COBL: variants seen among roughly 807,000 people sequenced by gnomAD.
COBL encodes cordon-bleu WH2 repeat protein, also known as protein cordon-bleu.
In COBL, 51 loss-of-function variants were observed where a neutral mutation model predicts 98.8. The ratio of observed to expected loss-of-function variants is 0.52; its 90% CI spans 0.41 to 0.65. COBL has a LOEUF of 0.65. Ranked by LOEUF, COBL falls within the 30% of genes least tolerant of loss-of-function variation. COBL has a pLI of 0.00. For missense variants in COBL, 1,617 were observed against 1,617.5 expected (o/e 1.00, Z 0.01); for synonymous variants, 634 against 651.7 (o/e 0.97, Z 0.41).
intron 7 of COBL, among the ~76,000 whole-genome samples, chr7:51,048,844 C>T (rs971788139): frequency 6.6e-6 from 1 of 152,130 alleles, no homozygotes; most frequent in Non-Finnish European, 1.5e-5. Flanking sequence ...TCATTTGGAA[C>T]TGCATTTCAT....
chr7:51,040,018 C>G (rs1024805249), intron 8 of COBL, among the ~76,000 whole-genome samples: 2 of 152,168 alleles, frequency 1.3e-5, no homozygotes, highest in East Asian at 3.8e-4. Flanking sequence ...TCAACCTCGC[C>G]TAACCCCTGC....
intron 2 of COBL, among the ~76,000 whole-genome samples, chr7:51,209,313 A>G (rs1365029242): frequency 6.6e-6 from 1 of 151,868 alleles, no homozygotes; most frequent in Non-Finnish European, 1.5e-5. Context: ...ACCCTCATCC[A>G]CTCTCCAGGA....
intron 7 of COBL, among the ~76,000 whole-genome samples, chr7:51,063,088 T>C (rs1399797866): frequency 6.6e-6 from 1 of 152,118 alleles, no homozygotes; most frequent in African/African-American, 2.4e-5. Context: ...GAAATTGCTC[T>C]ACATCACTTG....
At chr7:51,275,844 G>C (rs1020751392) in intron 1 of COBL, among the ~76,000 whole-genome samples, 1 of 152,170 alleles carries the variant, frequency 6.6e-6, no homozygotes, top group African/African-American at 2.4e-5. Context: ...TGTTTCCACA[G>C]CCTGATTAGG....
At position 51,204,378 on chromosome 7, in the gene COBL, C is replaced by G. The variant is rs542582035; in HGVS notation, c.246-10789G>C. Among the ~76,000 whole-genome samples, 9 of 151,908 alleles carry G rather than the reference C, an allele frequency of 5.9e-5. No individual in the cohort carries two copies. In the South Asian group the frequency reaches 1.7e-3, roughly 28 times the overall value. On this transcript the variant is annotated intron_variant, in intron 2 of 12. Coordinates refer to ENST00000265136, the MANE Select transcript of COBL (RefSeq NM_015198.5). The stretch of plus-strand genomic sequence containing the variant: ...GGTAGTCCTAGCCAGAGGCATTGGA[C>G]AAGAAAAATAAATAAAAGGCACATA...
At position 51,055,628 on chromosome 7, in the gene COBL, C is replaced by A. The variant is rs1047869275; in HGVS notation, c.1097-11936G>T. The stretch of plus-strand genomic sequence containing the variant: ...CCCATGAGTTTCTGATTCAGTGGGG[C>A]TGGGGTGGGCCCAGGGGTGCATGTT... On this transcript the variant is annotated intron_variant, in intron 7 of 12. Coordinates refer to ENST00000265136, the MANE Select transcript of COBL (RefSeq NM_015198.5). 5.9e-5 allele frequency among the ~76,000 whole-genome samples: 9 copies of A among 152,186 alleles called. No homozygotes were observed. In the South Asian group the frequency reaches 8.3e-4, roughly 14 times the overall value.
chr7:51,306,096 G>A (rs967847713), intron 1 of COBL, among the ~76,000 whole-genome samples: 3 of 152,036 alleles, frequency 2.0e-5, no homozygotes, highest in African/African-American at 7.2e-5. Context: ...CTTGCTTCCC[G>A]AGTGTCTTGA....
chr7:51,030,452 T>C (rs1788029346), intron 9 of COBL, among the ~76,000 whole-genome samples: 1 of 152,212 alleles, frequency 6.6e-6, no homozygotes, highest in Non-Finnish European at 1.5e-5. Flanking sequence ...TTGACAGATA[T>C]GCCATATATC....
chr7:51,087,175 C>A (rs909723332), intron 6 of COBL, among the ~76,000 whole-genome samples: 19 of 149,512 alleles, frequency 1.3e-4, no homozygotes, highest in Admixed American at 2.0e-4. Flanking sequence ...CAGACTCATA[C>A]TTTTCCTCTC....
rs1790062794 is a variant in COBL, at chr7:51,191,013, C to T, written c.522G>A (p.Glu174=). The change falls in exon 4 of 13, where the codon GAG becomes GAA. Residue 174 remains glutamate, a synonymous_variant. Coordinates refer to ENST00000265136, the MANE Select transcript of COBL (RefSeq NM_015198.5). ...CTGGGAGAATATTCTGGAGAGGAACCTCAGGGCTCACACGCACAACAGCTT... is the reference window on the plus strand; with the variant it reads ...CTGGGAGAATATTCTGGAGAGGAACTTCAGGGCTCACACGCACAACAGCTT... The part of the protein sequence containing the change: ...TQKAVVRVSP[E]VPLQNILPVI... 1.2e-6 allele frequency: 2 copies of T among 1,614,074 alleles called. No individual in the cohort carries two copies. Among genetic ancestry groups the T allele is most frequent in the African/African-American group, 1.3e-5 (1 of 74,916 alleles).
rs147581154 is a variant in COBL, at chr7:51,075,439, G to A, written c.1096+9727C>T. ...CTAAAGCATTAAATCCTACAGATCC[G>A]ATACATGTAAACAACCTCAAGAACA... On this transcript the variant is annotated intron_variant, in intron 7 of 12. Transcript: ENST00000265136. Among the ~76,000 whole-genome samples the A allele has an allele frequency of 9.5e-4, 144 of 152,242 alleles. 2 individuals carry two copies. The East Asian group carries it at 0.019, about 20-fold the overall frequency.
chr7:51,177,775 A>AAAATAAATAAATAAAT (rs147309503), intron 5 of COBL, among the ~76,000 whole-genome samples: 5 of 142,902 alleles, frequency 3.5e-5, no homozygotes, highest in East Asian at 2.1e-4. Flanking sequence ...CTGTCTCAAA[A>AAAATAAATAAATAAAT]AAATAAATAA....
At chr7:51,258,838 C>G (rs1388515734) in intron 1 of COBL, among the ~76,000 whole-genome samples, 1 of 152,124 alleles carries the variant, frequency 6.6e-6, no homozygotes, top group East Asian at 1.9e-4. Flanking sequence ...ATGACCACAG[C>G]AATACAGTTT....
chr7:51,203,473 A>C (rs200565975), intron 2 of COBL, among the ~76,000 whole-genome samples: 1 of 141,226 alleles, frequency 7.1e-6, no homozygotes, highest in Non-Finnish European at 1.5e-5. Flanking sequence ...AAAAAAAAAA[A>C]AAAAAAAAAA....
intron 6 of COBL, among the ~76,000 whole-genome samples, chr7:51,120,273 T>G (rs904882100): frequency 1.3e-5 from 2 of 152,052 alleles, no homozygotes; most frequent in Non-Finnish European, 2.9e-5. Flanking sequence ...ATATAAGTTA[T>G]TTCACTGTCA....
intron 2 of COBL, among the ~76,000 whole-genome samples, chr7:51,207,823 C>T (rs1005856736): frequency 7.2e-5 from 11 of 152,300 alleles, no homozygotes; most frequent in Admixed American, 1.3e-4. Flanking sequence ...CCCAAAGTGC[C>T]GAGATTGCAG....
Position 51,088,341 on chromosome 7 carries a change from TC to T in COBL, c.958-3038del, listed in dbSNP as rs1369698594. 7.6e-5 allele frequency among the ~76,000 whole-genome samples: 8 copies of T among 105,222 alleles called. No individual in the cohort carries two copies. The South Asian group carries it at 2.0e-3, about 27-fold the overall frequency. 69.0% of individuals were successfully genotyped at this position (105,222 alleles called of 152,430 possible). ...ACTCTTGCCTAAATTTTTTCTGATT[TC>T]CCCCCCTCTTGGAAATTTTCTCCAT... On this transcript the variant is annotated intron_variant, in intron 6 of 12. Coordinates refer to ENST00000265136, the MANE Select transcript of COBL (RefSeq NM_015198.5).
chr7:51,067,539 T>C (rs1161256536), intron 7 of COBL, among the ~76,000 whole-genome samples: 1 of 152,218 alleles, frequency 6.6e-6, no homozygotes, highest in Non-Finnish European at 1.5e-5. Flanking sequence ...TGCACATGTA[T>C]GTGTGCATGT....
In COBL at chr7:51,025,389, T is replaced by G. The variant is rs1273311363; in HGVS notation, c.3505-17A>C. The G allele has an allele frequency of 6.2e-7, 1 of 1,612,746 alleles. No individual in the cohort carries two copies. Among genetic ancestry groups the G allele is most frequent in the East Asian group, 2.2e-5 (1 of 44,866 alleles). ...GGATGCCACCTGGCAATGAGATGAT[T>G]AAATGACTGCTATAGAGTGAATGTC... is the stretch of plus-strand genomic sequence containing the variant. On this transcript the variant is annotated splice_polypyrimidine_tract_variant and intron_variant, in intron 11 of 12. Coordinates refer to ENST00000265136, the MANE Select transcript of COBL (RefSeq NM_015198.5).
Sources: gnomAD v4.1 joint callset for allele counts (sites outside exome capture counted in the v4.1 genomes callset) on GRCh38, gnomAD v4.1.1 for gene constraint, MANE v1.5 for transcripts, NCBI Gene and HGNC (gene_info 2026-07-23, HGNC 2026-07-21) for gene names.